GRM7: variants seen among roughly 807,000 people sequenced by gnomAD.
GRM7 encodes the protein glutamate metabotropic receptor 7.
A neutral mutation model predicts 84.5 loss-of-function variants in GRM7; 35 were observed. The observed-to-expected ratio is 0.41, with a 90% CI of 0.32 to 0.55. GRM7 has a LOEUF of 0.55. Among genes scored for constraint, GRM7 ranks in the 20% least tolerant of loss-of-function variants. The pLI is 0.19. For synonymous variants in GRM7, 487 were observed against 455.1 expected (o/e 1.07, Z -0.89); for missense variants, 1,003 against 1,194.6 (o/e 0.84, Z 2.36).
At chr3:7,624,917 G>A (rs1054986504) in intron 8 of GRM7, among the ~76,000 whole-genome samples, 5 of 152,132 alleles carry the variant, frequency 3.3e-5, no homozygotes, top group Non-Finnish European at 7.4e-5. Context: ...TGGAGGAGGC[G>A]GCATTTGAGA....
intron 1 of GRM7, among the ~76,000 whole-genome samples, chr3:6,898,895 G>A (rs1201734822): frequency 6.6e-6 from 1 of 152,154 alleles, no homozygotes; most frequent in Non-Finnish European, 1.5e-5. Context: ...GAAGCTGGGT[G>A]CATGACTGGT....
chr3:6,902,780 C>A (rs1227779887), intron 1 of GRM7, among the ~76,000 whole-genome samples: 1 of 151,494 alleles, frequency 6.6e-6, no homozygotes, highest in African/African-American at 2.4e-5. Flanking sequence ...GCTCAAGAGT[C>A]GTTAAGAGTG....
chr3:6,952,098 A>T (rs574255380), intron 1 of GRM7, among the ~76,000 whole-genome samples: 1 of 152,148 alleles, frequency 6.6e-6, no homozygotes, highest in African/African-American at 2.4e-5. Flanking sequence ...CAGATTTCAA[A>T]TATTCTTGAG....
chr3:7,167,508 G>A lies in GRM7; in HGVS notation c.736+20840G>A, dbSNP rs146329409. On this transcript the variant is annotated intron_variant, in intron 2 of 9. Transcript: ENST00000357716. Reference sequence around the variant, plus strand: ...ACATTGAATTTATTAAAAGGGTGTTGGCCTGTGTCAGTGTTCAAGGCAGAC... The same window carrying A: ...ACATTGAATTTATTAAAAGGGTGTTAGCCTGTGTCAGTGTTCAAGGCAGAC... 3.3e-3 allele frequency among the ~76,000 whole-genome samples: 501 copies of A among 152,240 alleles called. 1 individual carries two copies. Among genetic ancestry groups the A allele is most frequent in the African/African-American group, 0.011 (474 of 41,528 alleles).
At chr3:7,262,294 T>C (rs1698460271) in intron 2 of GRM7, among the ~76,000 whole-genome samples, 1 of 152,166 alleles carries the variant, frequency 6.6e-6, no homozygotes, top group Non-Finnish European at 1.5e-5. Context: ...TCTTTGTTCC[T>C]TTTCATTCTT....
intron 4 of GRM7, among the ~76,000 whole-genome samples, chr3:7,378,204 T>C (rs1054751678): frequency 1.3e-5 from 2 of 152,318 alleles, no homozygotes; most frequent in South Asian, 4.1e-4. Flanking sequence ...AAAATATTCT[T>C]AGCTTCTAGT....
chr3:7,398,175 C>G (rs1356967392), intron 4 of GRM7, among the ~76,000 whole-genome samples: 1 of 152,124 alleles, frequency 6.6e-6, no homozygotes, highest in African/African-American at 2.4e-5. Context: ...AATGTCTTTT[C>G]TGAAGGTGAG....
chr3:7,033,725 C>A (rs181428148), intron 1 of GRM7, among the ~76,000 whole-genome samples: 1 of 146,546 alleles, frequency 6.8e-6, no homozygotes, highest in East Asian at 1.9e-4. Context: ...GCTAACCATC[C>A]CAGTTTGAAC....
At chr3:7,116,539 A>C (rs1031215277) in intron 1 of GRM7, among the ~76,000 whole-genome samples, 3 of 152,116 alleles carry the variant, frequency 2.0e-5, no homozygotes, top group Admixed American at 6.6e-5. Flanking sequence ...GCCCTTATTT[A>C]AAAAGTGTAC....
intron 4 of GRM7, among the ~76,000 whole-genome samples, chr3:7,411,462 G>A (rs1223351505): frequency 6.6e-6 from 1 of 152,066 alleles, no homozygotes; most frequent in East Asian, 1.9e-4. Flanking sequence ...CTCCTCTCTT[G>A]TACCACCAGA....
intron 7 of GRM7, among the ~76,000 whole-genome samples, chr3:7,534,012 C>CT (rs3034006): frequency 6.1e-4 from 68 of 111,598 alleles, no homozygotes; most frequent in South Asian, 1.8e-3. Flanking sequence ...GGGCTGAATA[C>CT]TTTTTTTTTT....
At chr3:7,678,468 CTA>C (rs1028938198) in intron 8 of GRM7, among the ~76,000 whole-genome samples, 1 of 152,150 alleles carries the variant, frequency 6.6e-6, no homozygotes, top group African/African-American at 2.4e-5. Context: ...CAAAAATTGT[CTA>C]TGTCTATAAA....
At chr3:7,034,773 A>C (rs1055998234) in intron 1 of GRM7, among the ~76,000 whole-genome samples, 1 of 152,190 alleles carries the variant, frequency 6.6e-6, no homozygotes. Flanking sequence ...GGTGCAATCC[A>C]TGTCAGCTGG....
intron 8 of GRM7, among the ~76,000 whole-genome samples, chr3:7,666,538 T>C (rs1339331188): frequency 6.6e-6 from 1 of 152,294 alleles, no homozygotes; most frequent in African/African-American, 2.4e-5. Context: ...GCGAAACCAG[T>C]TGAGATGCTA....
At chr3:7,116,375 T>C (rs17046802) in intron 1 of GRM7, among the ~76,000 whole-genome samples, 3,310 of 152,216 alleles carry the variant, frequency 0.022, 119 homozygotes, top group African/African-American at 0.076. Flanking sequence ...ATATTGAATA[T>C]ATAAAACCAT....
At chr3:7,527,381 C>G (rs1700847291) in intron 7 of GRM7, among the ~76,000 whole-genome samples, 1 of 151,904 alleles carries the variant, frequency 6.6e-6, no homozygotes, top group African/African-American at 2.4e-5. Flanking sequence ...ATTTTGTATC[C>G]TAAAACTTTA....
At chr3:7,554,115 T>A (rs1307819568) in intron 7 of GRM7, among the ~76,000 whole-genome samples, 3 of 152,174 alleles carry the variant, frequency 2.0e-5, no homozygotes, top group Non-Finnish European at 4.4e-5. Flanking sequence ...CGTTGCTAGA[T>A]CCAGAAACAT....
Position 7,244,349 on chromosome 3 carries a change from C to T in GRM7, c.737-54335C>T, listed in dbSNP as rs556956879. On this transcript the variant is annotated intron_variant, in intron 2 of 9. Transcript: ENST00000357716. ...CGACTGGTGGTGACCACATCTTCAG[C>T]ACATTATTATTAGAACATGGAGCAA... Among the ~76,000 whole-genome samples, 625 of 152,160 alleles carry T rather than the reference C, an allele frequency of 4.1e-3. 3 individuals are homozygous for T. The highest frequency in any genetic ancestry group is 0.014 in the African/African-American group (596 of 41,536).
chr3:7,142,912 A>G (rs1358869192), intron 1 of GRM7, among the ~76,000 whole-genome samples: 1 of 152,188 alleles, frequency 6.6e-6, no homozygotes, highest in Admixed American at 6.5e-5. Flanking sequence ...TTATGAGGAG[A>G]AAAGAATAAT....
Sources: allele counts gnomAD v4.1 joint callset (sites outside exome capture counted in the v4.1 genomes callset), GRCh38; gene constraint gnomAD v4.1.1; transcripts MANE v1.5; gene names NCBI Gene and HGNC (gene_info 2026-07-23, HGNC 2026-07-21).